CCDC171: variants seen among roughly 807,000 people sequenced by gnomAD.
The protein encoded by CCDC171 is coiled-coil domain-containing protein 171.
CCDC171 carries 177 observed loss-of-function variants against 168.2 expected under a neutral mutation model. The observed-to-expected ratio is 1.05, with a 90% CI of 0.93 to 1.19. The LOEUF (loss-of-function observed/expected upper bound fraction) is 1.19, where lower values mean the gene tolerates loss of function less well. CCDC171 is among the 50% of genes most tolerant of loss of function. The pLI is 0.00. For synonymous variants in CCDC171, 687 were observed against 540.8 expected, an observed-to-expected ratio of 1.27 and a Z score of -3.75; for missense variants, 1,991 against 1,539.0, an observed-to-expected ratio of 1.29 and a Z score of -4.91.
chr9:16,005,063 T>A (rs1832656897), intron 3 of CCDC171, among the ~76,000 whole-genome samples: 1 of 152,210 alleles, frequency 6.6e-6, no homozygotes, highest in African/African-American at 2.4e-5. Flanking sequence ...AGTGTACAAT[T>A]CAATGATACA....
intron 18 of CCDC171, among the ~76,000 whole-genome samples, chr9:15,753,171 A>G (rs372406519): frequency 1.8e-4 from 28 of 152,264 alleles, no homozygotes; most frequent in African/African-American, 6.3e-4. Context: ...CAGGCTTTTA[A>G]TGCTACAAGA....
chr9:15,583,980 C>T (rs1325701984), intron 4 of CCDC171, among the ~76,000 whole-genome samples: 1 of 152,130 alleles, frequency 6.6e-6, no homozygotes, highest in Non-Finnish European at 1.5e-5. Flanking sequence ...CAATTCTCTG[C>T]CTCAGCCTCC....
chr9:16,092,313 A>C, the CCDC171 span, among the ~76,000 whole-genome samples: 1 of 152,122 alleles, frequency 6.6e-6, no homozygotes, highest in African/African-American at 2.4e-5. Flanking sequence ...ATCACTTGGG[A>C]AGCTTGTTCG....
At chr9:15,806,397 C>A (rs2059078977) in intron 21 of CCDC171, among the ~76,000 whole-genome samples, 1 of 152,086 alleles carries the variant, frequency 6.6e-6, no homozygotes. Context: ...ATATTTAGTG[C>A]TTTCTTCAGG....
At chr9:15,835,106 A>G (rs1260721798) in intron 21 of CCDC171, among the ~76,000 whole-genome samples, 1 of 152,142 alleles carries the variant, frequency 6.6e-6, no homozygotes, top group Non-Finnish European at 1.5e-5. Flanking sequence ...GGGTTTGACA[A>G]AATCCTGGGA....
chr9:15,997,607 T>G (rs745875162), intron 3 of CCDC171, among the ~76,000 whole-genome samples: 29 of 150,770 alleles, frequency 1.9e-4, no homozygotes, highest in Admixed American at 4.6e-4. Flanking sequence ...CTACAGCCCC[T>G]GTTGCTGTAT....
intron 21 of CCDC171, among the ~76,000 whole-genome samples, chr9:15,790,990 G>T (rs2058229151): frequency 6.6e-6 from 1 of 152,076 alleles, no homozygotes; most frequent in South Asian, 2.1e-4. Flanking sequence ...TGCTGTTTTG[G>T]TTACTGTAGC....
intron 18 of CCDC171, among the ~76,000 whole-genome samples, chr9:15,777,345 T>C (rs2057382193): frequency 6.6e-6 from 1 of 152,220 alleles, no homozygotes; most frequent in African/African-American, 2.4e-5. Context: ...ATTTTTAGTG[T>C]CATGCTATTC....
intron 9 of CCDC171, among the ~76,000 whole-genome samples, chr9:15,671,055 G>T (rs972472213): frequency 6.6e-6 from 1 of 152,152 alleles, no homozygotes. Flanking sequence ...TCATGCCACT[G>T]TACTTCAGTG....
intron 25 of CCDC171, among the ~76,000 whole-genome samples, chr9:15,951,670 G>T (rs1441449913): frequency 6.6e-6 from 1 of 151,934 alleles, no homozygotes; most frequent in Non-Finnish European, 1.5e-5. Flanking sequence ...TTTGTTTTTT[G>T]GAGAATGTTG....
chr9:15,689,899 T>C (rs546228639), intron 10 of CCDC171, among the ~76,000 whole-genome samples: 53 of 152,180 alleles, frequency 3.5e-4, no homozygotes, highest in Non-Finnish European at 6.6e-4. Flanking sequence ...AAATCCTTCA[T>C]GATTATGTTT....
At chr9:15,980,348 AAGTTG>A (rs1831754068) in intron 3 of CCDC171, among the ~76,000 whole-genome samples, 1 of 152,154 alleles carries the variant, frequency 6.6e-6, no homozygotes, top group South Asian at 2.1e-4. Context: ...ACTAATTCTT[AAGTTG>A]GACTCAAGTC....
intron 24 of CCDC171, among the ~76,000 whole-genome samples, chr9:15,901,741 G>A (rs555163723): frequency 9.2e-5 from 14 of 152,264 alleles, no homozygotes; most frequent in East Asian, 3.9e-4. Flanking sequence ...TGTAAGGTAC[G>A]TTCAAGGAAG....
rs752674895 is a variant in CCDC171 at position 15,695,304 on chromosome 9, G to A, written c.1285G>A (p.Asp429Asn). 1.2e-6 allele frequency: 2 copies of A among 1,614,086 alleles called. No homozygotes were observed. Among genetic ancestry groups the A allele is most frequent in the Non-Finnish European group, 1.7e-6 (2 of 1,179,938 alleles). ...NNVKELESIL[D>N]SFTVSGQWTS... ...CGTGAAAGAATTGGAATCGATCTTG[G>A]ACAGCTTTACTGTGTCGGGCCAGTG... Residue 429 changes from aspartate to asparagine, a missense_variant, in exon 11 of 26, where the codon GAC (aspartate) becomes AAC (asparagine). Coordinates refer to ENST00000380701, the MANE Select transcript of CCDC171 (RefSeq NM_173550.4).
the CCDC171 span, among the ~76,000 whole-genome samples, chr9:16,090,346 C>T: frequency 1.3e-5 from 2 of 152,076 alleles, no homozygotes; most frequent in South Asian, 2.1e-4. Flanking sequence ...TGTTCTCACT[C>T]ATAAGTGGGA....
downstream of CCDC171, among the ~76,000 whole-genome samples, chr9:16,062,432 A>C (rs1833943034): frequency 6.6e-6 from 1 of 152,222 alleles, no homozygotes; most frequent in African/African-American, 2.4e-5. Flanking sequence ...AAAGGATTGA[A>C]AAACTACCTA....
rs572909688 is a variant in CCDC171 at position 15,681,810 on chromosome 9, T to C, written c.1215+2914T>C. ...TGTTATTTGTGCTTTCAATTCATAA[T>C]TGTTGTTGACTGAAGACAGAATGAC... On this transcript the variant is annotated intron_variant, in intron 10 of 25. Coordinates refer to ENST00000380701, the MANE Select transcript of CCDC171 (RefSeq NM_173550.4). 5.3e-5 allele frequency among the ~76,000 whole-genome samples: 8 copies of C among 152,234 alleles called. No individual in the cohort carries two copies. The South Asian group carries it at 1.5e-3, about 28-fold the overall frequency.
intron 24 of CCDC171, among the ~76,000 whole-genome samples, chr9:15,908,228 C>G (rs966062360): frequency 6.6e-6 from 1 of 152,120 alleles, no homozygotes; most frequent in Non-Finnish European, 1.5e-5. Flanking sequence ...TGGCACTATT[C>G]ACGATAGCAA....
At chr9:15,862,255 A>G (rs551097377) in intron 23 of CCDC171, among the ~76,000 whole-genome samples, 2 of 151,548 alleles carry the variant, frequency 1.3e-5, no homozygotes, top group South Asian at 4.2e-4. Flanking sequence ...CTTTATTACT[A>G]TTATTATTTT....
Sources: gnomAD v4.1 joint callset for allele counts (sites outside exome capture counted in the v4.1 genomes callset) on GRCh38, gnomAD v4.1.1 for gene constraint, MANE v1.5 for transcripts, NCBI Gene and HGNC (gene_info 2026-07-23, HGNC 2026-07-21) for gene names.